The following NECTIN1 variants were observed in gnomAD, a reference collection of about 807,000 sequenced individuals.
The protein encoded by NECTIN1 is nectin cell adhesion molecule 1.
NECTIN1 carries 23 observed loss-of-function variants against 48.0 expected under a neutral mutation model. That is an observed-to-expected ratio of 0.48 (90% CI 0.34 to 0.68). The LOEUF is 0.68. NECTIN1 is among the 30% of genes least tolerant of loss of function. NECTIN1 has a pLI of 0.01. For missense variants in NECTIN1, 591 were observed against 709.9 expected (o/e 0.83, Z 1.90); for synonymous variants, 270 against 288.9 (o/e 0.93, Z 0.66).
intron 1 of NECTIN1, among the ~76,000 whole-genome samples, chr11:119,697,234 T>G (rs965170943): frequency 6.6e-6 from 1 of 152,276 alleles, no homozygotes. Context: ...TGCAAGGGCT[T>G]GCGCTTTATT....
intron 5 of NECTIN1, among the ~76,000 whole-genome samples, chr11:119,653,500 C>T (rs867799252): frequency 2.1e-4 from 32 of 152,204 alleles, no homozygotes; most frequent in African/African-American, 6.3e-4. Flanking sequence ...CCTCCAGACC[C>T]GCGCCCCTCC....
intron 1 of NECTIN1, among the ~76,000 whole-genome samples, chr11:119,714,419 G>A (rs1865712590): frequency 6.6e-6 from 1 of 152,180 alleles, no homozygotes; most frequent in Non-Finnish European, 1.5e-5. Flanking sequence ...CACCCCACCT[G>A]CAGGATCCCT....
chr11:119,692,703 C>T (rs1865279087), intron 1 of NECTIN1, among the ~76,000 whole-genome samples: 1 of 152,216 alleles, frequency 6.6e-6, no homozygotes, highest in South Asian at 2.1e-4. Flanking sequence ...TTACAACACT[C>T]CAGGAGCGAG....
intron 4 of NECTIN1, among the ~76,000 whole-genome samples, chr11:119,675,879 G>A (rs908236381): frequency 1.3e-5 from 2 of 152,130 alleles, no homozygotes; most frequent in South Asian, 4.1e-4. Context: ...GGTGGTGCAC[G>A]CCTGTAGTCC....
At chr11:119,657,739 AAATAATAATAAT>A (rs57059976), downstream of NECTIN1, among the ~76,000 whole-genome samples, 9 of 128,298 alleles carry the variant, frequency 7.0e-5, no homozygotes, top group African/African-American at 1.8e-4. Context: ...TGTCTCTATA[AAATAATAATAAT>A]AATAATAATA....
rs930009257 is a variant in NECTIN1, at chr11:119,672,724, G to A, written c.1003+2435C>T. ...GAGAAGGCCTTGCTCCTTCCTCCCT[G>A]CCCACTCTGCTCCAGCCATTTTCCT... On this transcript the variant is annotated intron_variant, in intron 5 of 5. Coordinates refer to ENST00000264025, the MANE Select transcript of NECTIN1 (RefSeq NM_002855.5). The surrounding 1 kb of genome is among the most constrained non-coding windows in gnomAD (Gnocchi z 4.3). Among the ~76,000 whole-genome samples, 3 of 152,098 alleles carry A rather than the reference G, an allele frequency of 2.0e-5. No homozygotes were observed. Among genetic ancestry groups the A allele is most frequent in the Admixed American group, 6.5e-5 (1 of 15,270 alleles).
rs1591446183 is a variant in NECTIN1 at position 119,661,152 on chromosome 11, A to G, written c.*3595T>C. 1 of 985,832 alleles carries G rather than the reference A, an allele frequency of 1.0e-6. No individual in the cohort carries two copies. Among genetic ancestry groups the G allele is most frequent in the East Asian group, 1.1e-4 (1 of 8,814 alleles). 61.1% of individuals were successfully genotyped at this position (985,832 alleles called of 1,614,324 possible). On this transcript the variant is annotated 3_prime_UTR_variant, in exon 6 of 6. Coordinates refer to ENST00000264025, the MANE Select transcript of NECTIN1 (RefSeq NM_002855.5). ...GGCTGTCCCTGGACCAAAGGCGGAAAGGGCGACAAGACGCCGAAGCAAGGT... is the reference window on the plus strand; with the variant it reads ...GGCTGTCCCTGGACCAAAGGCGGAAGGGGCGACAAGACGCCGAAGCAAGGT...
intron 1 of NECTIN1, among the ~76,000 whole-genome samples, chr11:119,704,458 C>G (rs1418420217): frequency 6.6e-6 from 1 of 152,140 alleles, no homozygotes; most frequent in South Asian, 2.1e-4. Flanking sequence ...CTCAAGTGAT[C>G]CACCCGCCTC....
At chr11:119,694,821 C>A (rs978111973) in intron 1 of NECTIN1, among the ~76,000 whole-genome samples, 1 of 152,132 alleles carries the variant, frequency 6.6e-6, no homozygotes, top group Admixed American at 6.5e-5. Flanking sequence ...GTCCTGCTGC[C>A]CCCCCAGGCA....
intron 5 of NECTIN1, chr11:119,642,451 G>A (rs770673141): frequency 2.6e-5 from 4 of 153,240 alleles, no homozygotes; most frequent in Admixed American, 2.0e-4. Flanking sequence ...ATCCGAACAG[G>A]AGGAAGAGAC....
chr11:119,665,171 G>T lies in NECTIN1; in HGVS notation c.1130C>A (p.Ala377Asp). 6.2e-7 allele frequency: 1 copy of T among 1,611,632 alleles called. No individual in the cohort carries two copies. Residue 377 changes from alanine (A) to aspartate (D), a missense_variant, in exon 6 of 6, where the codon GCC (alanine) becomes GAC (aspartate). Physicochemically the swap from Ala to Asp is moderately radical, Grantham distance 126 (BLOSUM62 -2). Coordinates refer to ENST00000264025, the MANE Select transcript of NECTIN1 (RefSeq NM_002855.5). This position sits in a 1 kb window ranked among gnomAD's most constrained non-coding sequence, Gnocchi z 5.1. The stretch of plus-strand genomic sequence containing the variant: ...GAAGGTGTGCCGGCGCCGACGCAGG[G>T]CGACCACGATCCCGCCGACCACAAT... Reference protein sequence around the residue: ...VLIVVGGIVVALRRRRHTFKG... With the variant: ...VLIVVGGIVVDLRRRRHTFKG...
intron 1 of NECTIN1, among the ~76,000 whole-genome samples, chr11:119,716,798 G>A (rs1865749271): frequency 1.3e-5 from 2 of 152,376 alleles, no homozygotes; most frequent in African/African-American, 4.8e-5. Context: ...CCCCCTACCT[G>A]TGTGTGGGAG....
chr11:119,713,776 G>A lies in NECTIN1; in HGVS notation c.79+14699C>T, dbSNP rs1056620358. On this transcript the variant is annotated intron_variant, in intron 1 of 5. Coordinates refer to ENST00000264025, the MANE Select transcript of NECTIN1 (RefSeq NM_002855.5). The stretch of plus-strand genomic sequence containing the variant: ...TTCACTTCTCACCTCCTCACCCCCC[G>A]CCCTCTGGAGGGCAGCTCCTATCTC... 20 of 451,208 alleles carry A rather than the reference G, an allele frequency of 4.4e-5. No homozygotes were observed. The East Asian group carries it at 6.3e-4, about 14-fold the overall frequency. The allele number at this position is 451,208 out of a possible 1,614,324, so 28.0% of individuals were successfully genotyped here.
At chr11:119,654,348 C>G (rs1390995590) in intron 5 of NECTIN1, 1 of 152,128 alleles carries the variant, frequency 6.6e-6, no homozygotes, top group African/African-American at 2.4e-5. Flanking sequence ...GGATTGAGCC[C>G]CTCTGTGTCC....
chr11:119,674,378 G>T, intron 5 of NECTIN1: 1 of 1,475,372 alleles, frequency 6.8e-7, no homozygotes, highest in East Asian at 2.3e-5. Flanking sequence ...TGATGATGAT[G>T]GAGGTCAGGG....
intron 5 of NECTIN1, among the ~76,000 whole-genome samples, chr11:119,668,872 G>A (rs762557734): frequency 2.0e-5 from 3 of 152,222 alleles, no homozygotes; most frequent in Non-Finnish European, 4.4e-5. Context: ...TTGAGGAAGT[G>A]GCAGCCTCAT....
rs112569353 is a variant in NECTIN1, at chr11:119,638,435, G to A, written c.1228-188C>T. ...GCCTTTAGCTTTGCTGGCTCTAGCA[G>A]GGACCCAGCTTGGGGCCAGGCACCT... On this transcript the variant is annotated intron_variant, in intron 7 of 7. Transcript: ENST00000341398. Among the ~76,000 whole-genome samples, 8 of 152,328 alleles carry A rather than the reference G, an allele frequency of 5.3e-5. 1 individual carries two copies. Among genetic ancestry groups the A allele is most frequent in the African/African-American group, 1.9e-4 (8 of 41,574 alleles).
At chr11:119,651,396 G>A (rs1160741734) in intron 5 of NECTIN1, among the ~76,000 whole-genome samples, 4 of 152,098 alleles carry the variant, frequency 2.6e-5, no homozygotes, top group Non-Finnish European at 4.4e-5. Flanking sequence ...CTTCTGTGGA[G>A]GAAATCCTGG....
exon 6 of NECTIN1, chr11:119,639,883 G>C: frequency 6.2e-7 from 1 of 1,614,170 alleles, no homozygotes; most frequent in Non-Finnish European, 8.5e-7. Context: ...ATCCGTCTCC[G>C]GTGGGCTCTT....
Sources: allele counts gnomAD v4.1 joint callset (sites outside exome capture counted in the v4.1 genomes callset), GRCh38; gene constraint gnomAD v4.1.1; non-coding constraint Gnocchi (gnomAD v3.1); transcripts MANE v1.5; gene names NCBI Gene and HGNC (gene_info 2026-07-23, HGNC 2026-07-21).